DAB1: variants seen among roughly 807,000 people sequenced by gnomAD.
DAB1 encodes DAB adaptor protein 1, also known as disabled homolog 1.
Under a neutral mutation model 64.6 loss-of-function variants are expected in DAB1, and 15 were observed. The observed-to-expected ratio is 0.23, with a 90% confidence interval of 0.16 to 0.36. DAB1 has a LOEUF of 0.36. Among genes scored for constraint, DAB1 ranks in the 10% least tolerant of loss-of-function variants. DAB1 has a pLI of 1.00. For synonymous variants in DAB1, 235 were observed against 251.9 expected, an observed-to-expected ratio of 0.93 and a Z score of 0.64; for missense variants, 596 against 706.7, an observed-to-expected ratio of 0.84 and a Z score of 1.78.
intron 2 of DAB1, among the ~76,000 whole-genome samples, chr1:57,160,265 T>A (rs1038530560): frequency 2.0e-5 from 3 of 152,200 alleles, no homozygotes; most frequent in African/African-American, 7.2e-5. Flanking sequence ...AATATGTAAG[T>A]TCTTTTTCAT....
chr1:57,049,873 A>G (rs1648996730), intron 9 of DAB1, among the ~76,000 whole-genome samples: 1 of 152,182 alleles, frequency 6.6e-6, no homozygotes. Flanking sequence ...AGTGGGTAGA[A>G]GGAAGAAGCA....
At chr1:58,511,605 G>C (rs1367588173) in intron 2 of DAB1, among the ~76,000 whole-genome samples, 3 of 151,876 alleles carry the variant, frequency 2.0e-5, no homozygotes, top group Non-Finnish European at 4.4e-5. Context: ...CTCTAGCCTG[G>C]GTAACAGAGC....
chr1:58,100,323 A>G (rs932158333), intron 5 of DAB1, among the ~76,000 whole-genome samples: 1 of 152,216 alleles, frequency 6.6e-6, no homozygotes, highest in Non-Finnish European at 1.5e-5. Flanking sequence ...AATATCCCAC[A>G]TAAGTGGAAT....
chr1:57,222,476 G>A (rs1247107822), intron 2 of DAB1, among the ~76,000 whole-genome samples: 2 of 152,178 alleles, frequency 1.3e-5, no homozygotes, highest in Non-Finnish European at 2.9e-5. Context: ...ACAGGGGGCT[G>A]GGGTGGAAGG....
intron 5 of DAB1, among the ~76,000 whole-genome samples, chr1:57,907,703 T>G (rs997990735): frequency 1.3e-5 from 2 of 152,052 alleles, no homozygotes; most frequent in Non-Finnish European, 2.9e-5. Flanking sequence ...CTGTGTGAAG[T>G]CTGAGCCCTC....
At chr1:58,373,492 G>A (rs1424813458) in intron 3 of DAB1, among the ~76,000 whole-genome samples, 1 of 151,242 alleles carries the variant, frequency 6.6e-6, no homozygotes, top group Non-Finnish European at 1.5e-5. Context: ...TCCCTACAAA[G>A]GACATGAACT....
At chr1:58,181,954 T>C (rs1656816541) in intron 4 of DAB1, among the ~76,000 whole-genome samples, 1 of 152,046 alleles carries the variant, frequency 6.6e-6, no homozygotes. Flanking sequence ...TCCAGAAAAC[T>C]TTCTTTACTC....
chr1:57,194,232 T>C (rs1232853160), intron 2 of DAB1, among the ~76,000 whole-genome samples: 2 of 152,166 alleles, frequency 1.3e-5, no homozygotes, highest in South Asian at 2.1e-4. Context: ...TTTTCTTTTA[T>C]CTTCCCTTTG....
At chr1:57,641,414 C>T (rs1646128649) in intron 7 of DAB1, among the ~76,000 whole-genome samples, 2 of 111,712 alleles carry the variant, frequency 1.8e-5, no homozygotes, top group Admixed American at 2.8e-4. Context: ...GACGGAGTCT[C>T]GCTCTGTCGC....
intron 2 of DAB1, among the ~76,000 whole-genome samples, chr1:57,173,292 A>G (rs995993670): frequency 2.0e-5 from 3 of 152,168 alleles, no homozygotes; most frequent in Non-Finnish European, 4.4e-5. Context: ...ATGTTCCAAA[A>G]TCTGAAACTC....
chr1:58,533,816 A>G (rs1346689729), intron 1 of DAB1: 1 of 629,732 alleles, frequency 1.6e-6, no homozygotes, highest in Non-Finnish European at 2.8e-6. Flanking sequence ...TTTTTCAGGT[A>G]GCAGATTAAG....
Position 57,764,674 on chromosome 1 carries a change from A to G in DAB1, n.552-115009T>C, listed in dbSNP as rs141217983. ...TTAGCTTCCACATATGAGTGAGAAC[A>G]TGAGGTATTTAACTTTCTTTTCCTG... On this transcript the variant is annotated intron_variant and non_coding_transcript_variant, in intron 6 of 20. Coordinates refer to the DAB1 transcript ENST00000485760. Among the ~76,000 whole-genome samples the G allele has an allele frequency of 3.8e-3, 585 of 152,310 alleles. 2 individuals carry two copies. The highest frequency in any genetic ancestry group is 0.013 in the African/African-American group (552 of 41,576).
rs1215442426 is a variant in DAB1, at chr1:58,025,628, TATA to T, written n.387+124880_387+124882del. On this transcript the variant is annotated intron_variant and non_coding_transcript_variant, in intron 5 of 20. Transcript: ENST00000485760. ...CTATTAAATGTAGATGAGTTATAAATATAATATTATATATATATGTGTGTATAT... is the reference window on the plus strand; with the variant it reads ...CTATTAAATGTAGATGAGTTATAAATATATTATATATATATGTGTGTATAT... 1.9e-4 allele frequency among the ~76,000 whole-genome samples: 25 copies of T among 134,498 alleles called. No individual in the cohort carries two copies. The East Asian group carries it at 4.1e-3, about 22-fold the overall frequency. 88.2% of individuals were successfully genotyped at this position (134,498 alleles called of 152,430 possible). A position where few individuals can be genotyped will look rare whatever the true frequency, so the allele number is the denominator to read the frequency against.
chr1:57,915,664 T>C (rs1001678106), intron 5 of DAB1, among the ~76,000 whole-genome samples: 4 of 152,148 alleles, frequency 2.6e-5, no homozygotes, highest in African/African-American at 2.4e-5. Flanking sequence ...CCACTCAGGA[T>C]AGACAGGCAA....
intron 6 of DAB1, among the ~76,000 whole-genome samples, chr1:57,779,628 A>C (rs1275549418): frequency 6.6e-6 from 1 of 152,178 alleles, no homozygotes; most frequent in Non-Finnish European, 1.5e-5. Flanking sequence ...TATTGAGTGG[A>C]TATGATATGC....
intron 5 of DAB1, among the ~76,000 whole-genome samples, chr1:57,890,144 G>T (rs1644289112): frequency 6.6e-6 from 1 of 152,110 alleles, no homozygotes. Context: ...GAATCTTAGA[G>T]GTTTGAGTGA....
Position 57,141,799 on chromosome 1 carries a change from G to A in DAB1, c.207+3491C>T, listed in dbSNP as rs191769040. Among the ~76,000 whole-genome samples, 570 of 152,236 alleles carry A rather than the reference G, an allele frequency of 3.7e-3. 1 individual carries two copies. The highest frequency in any genetic ancestry group is 6.6e-3 in the Non-Finnish European group (446 of 68,014). ...CAATGGTGCATGATGTGACTACTGG[G>A]TAGTAGCTTACTGGTGGGAGCTTAA... is the stretch of plus-strand genomic sequence containing the variant. On this transcript the variant is annotated intron_variant, in intron 3 of 14. Transcript: ENST00000371236.
At chr1:58,515,040 C>T (rs1251109964) in intron 2 of DAB1, among the ~76,000 whole-genome samples, 2 of 152,192 alleles carry the variant, frequency 1.3e-5, no homozygotes, top group African/African-American at 4.8e-5. Context: ...CTACAATCAT[C>T]ATTGTCATCA....
intron 1 of DAB1, among the ~76,000 whole-genome samples, chr1:57,334,549 G>A (rs987326303): frequency 2.0e-5 from 3 of 152,200 alleles, no homozygotes; most frequent in African/African-American, 7.2e-5. Flanking sequence ...ACATGTTAGG[G>A]TTTATTGTAA....
Sources: gnomAD v4.1 joint callset for allele counts (sites outside exome capture counted in the v4.1 genomes callset) on GRCh38, gnomAD v4.1.1 for gene constraint, MANE v1.5 for transcripts, NCBI Gene and HGNC (gene_info 2026-07-23, HGNC 2026-07-21) for gene names.